Variants in PRKAG2 observed in about 807,000 individuals in gnomAD.
PRKAG2 encodes the protein 5'-AMP-activated protein kinase subunit gamma-2.
PRKAG2 carries 26 observed loss-of-function variants against 69.6 expected under a neutral mutation model. The observed-to-expected ratio is 0.37, with a 90% CI of 0.27 to 0.52. PRKAG2 has a LOEUF of 0.52. Ranked by LOEUF, PRKAG2 falls within the 20% of genes least tolerant of loss-of-function variation. The pLI, the probability that PRKAG2 is intolerant of heterozygous loss-of-function variation, is 0.90. For synonymous variants in PRKAG2, 293 were observed against 285.0 expected (o/e 1.03, Z -0.28); for missense variants, 557 against 740.0 (o/e 0.75, Z 2.87).
chr7:151,713,366 C>T (rs1379355309), intron 3 of PRKAG2, among the ~76,000 whole-genome samples: 3 of 152,130 alleles, frequency 2.0e-5, no homozygotes, highest in Non-Finnish European at 2.9e-5. Context: ...GGACGCACCC[C>T]GGCTTGCAAG....
At chr7:151,831,195 A>G (rs2079018937) in intron 1 of PRKAG2, among the ~76,000 whole-genome samples, 1 of 152,194 alleles carries the variant, frequency 6.6e-6, no homozygotes, top group African/African-American at 2.4e-5. Flanking sequence ...TCAGAAGTTA[A>G]ATATAAAGTC....
At chr7:151,808,962 C>T (rs937719204) in intron 1 of PRKAG2, among the ~76,000 whole-genome samples, 3 of 152,204 alleles carry the variant, frequency 2.0e-5, no homozygotes, top group Non-Finnish European at 4.4e-5. Context: ...GGTTCTCTCC[C>T]GCGCTCCCCC....
At chr7:151,841,042 G>T (rs1314153353) in intron 1 of PRKAG2, among the ~76,000 whole-genome samples, 1 of 152,158 alleles carries the variant, frequency 6.6e-6, no homozygotes, top group Non-Finnish European at 1.5e-5. Flanking sequence ...AGCCTGAAGT[G>T]CAGTGGTGCG....
intron 3 of PRKAG2, among the ~76,000 whole-genome samples, chr7:151,733,126 G>T (rs933895084): frequency 6.6e-6 from 1 of 152,188 alleles, no homozygotes; most frequent in Non-Finnish European, 1.5e-5. Flanking sequence ...GTGTATCCAC[G>T]CCCAACACTG....
intron 1 of PRKAG2, among the ~76,000 whole-genome samples, chr7:151,789,064 T>C (rs1446680327): frequency 6.6e-6 from 1 of 152,250 alleles, no homozygotes; most frequent in African/African-American, 2.4e-5. Flanking sequence ...TTATAGTAAG[T>C]TTAAAATTGG....
intron 4 of PRKAG2, among the ~76,000 whole-genome samples, chr7:151,636,131 A>G (rs1390914759): frequency 1.3e-5 from 2 of 152,098 alleles, no homozygotes; most frequent in Non-Finnish European, 2.9e-5. Context: ...GATTACAGGC[A>G]TGAGCCACCG....
intron 1 of PRKAG2, among the ~76,000 whole-genome samples, chr7:151,843,292 C>T (rs904798548): frequency 1.3e-5 from 2 of 152,208 alleles, no homozygotes; most frequent in African/African-American, 2.4e-5. Context: ...CTATGTCTCA[C>T]GTTGTCGTTT....
intron 3 of PRKAG2, among the ~76,000 whole-genome samples, chr7:151,758,140 TC>T (rs929267856): frequency 1.3e-4 from 19 of 148,172 alleles, no homozygotes; most frequent in Admixed American, 4.8e-4. Flanking sequence ...GATTTTCAAC[TC>T]TTTTTTTTTT....
chr7:151,623,363 C>CAAAAAAAAAA, intron 5 of PRKAG2, among the ~76,000 whole-genome samples: 1 of 36,676 alleles, frequency 2.7e-5, no homozygotes, highest in Non-Finnish European at 5.1e-5. Context: ...GACTCTGTCT[C>CAAAAAAAAAA]AAAAAAAAAA....
intron 4 of PRKAG2, among the ~76,000 whole-genome samples, chr7:151,661,753 T>C (rs1381706316): frequency 6.6e-6 from 1 of 152,142 alleles, no homozygotes; most frequent in African/African-American, 2.4e-5. Context: ...GGTCATTGAT[T>C]AACAGGGTAT....
chr7:151,630,761 G>T (rs1031083015), intron 5 of PRKAG2, among the ~76,000 whole-genome samples: 1 of 152,222 alleles, frequency 6.6e-6, no homozygotes, highest in Non-Finnish European at 1.5e-5. Flanking sequence ...CCACCCTGTG[G>T]ACAGCGGCCA....
chr7:151,787,082 A>AG (rs1177927627), intron 1 of PRKAG2, among the ~76,000 whole-genome samples: 1 of 152,200 alleles, frequency 6.6e-6, no homozygotes, highest in Admixed American at 6.5e-5. Context: ...TGTGTCTGAA[A>AG]CAGCCCTGCC....
At chr7:151,824,861 C>A (rs921596624) in intron 1 of PRKAG2, among the ~76,000 whole-genome samples, 1 of 152,208 alleles carries the variant, frequency 6.6e-6, no homozygotes, top group African/African-American at 2.4e-5. Flanking sequence ...CCTTCCCTCT[C>A]TTTCTTCTGA....
At chr7:151,826,096 G>A (rs2151869537) in intron 1 of PRKAG2, among the ~76,000 whole-genome samples, 1 of 152,098 alleles carries the variant, frequency 6.6e-6, no homozygotes, top group East Asian at 1.9e-4. Context: ...GCAAAGCTGT[G>A]CACCCACCAC....
Position 151,876,817 on chromosome 7 carries a change from G to A in PRKAG2, c.-197C>T. The stretch of plus-strand genomic sequence containing the variant: ...CGCCGCCGAAGCGCCGAATTCAAGC[G>A]TCCTTTCCTACGGAACCCTCGTAGG... On this transcript the variant is annotated 5_prime_UTR_variant, in exon 1 of 16. The change creates a new upstream start codon in the 5' untranslated region. Coordinates refer to ENST00000287878, the MANE Select transcript of PRKAG2 (RefSeq NM_016203.4). 1.6e-6 allele frequency: 1 copy of A among 642,830 alleles called. No individual in the cohort carries two copies. Among genetic ancestry groups the A allele is most frequent in the Non-Finnish European group, 2.8e-6 (1 of 359,976 alleles). The allele number at this position is 642,830 out of a possible 1,614,324, so 39.8% of individuals were successfully genotyped here.
chr7:151,705,815 C>T (rs972752574), intron 3 of PRKAG2, among the ~76,000 whole-genome samples: 1 of 152,098 alleles, frequency 6.6e-6, no homozygotes, highest in African/African-American at 2.4e-5. Context: ...GTGGCACTTC[C>T]TTGTAGAAAT....
Position 151,614,566 on chromosome 7 carries a change from C to T in PRKAG2, c.754+17503G>A, listed in dbSNP as rs369819926. On this transcript the variant is annotated intron_variant, in intron 5 of 15. Transcript: ENST00000287878. This position sits in a 1 kb window ranked among gnomAD's most constrained non-coding sequence, Gnocchi z 4.4. ...ATCCCTGCGTGCTCTCCTTCACCTC[C>T]GCCCCTCACCAGCTTGCTTCCCGCT... is the stretch of plus-strand genomic sequence containing the variant. Among the ~76,000 whole-genome samples, 7 of 152,228 alleles carry T rather than the reference C, an allele frequency of 4.6e-5. No individual in the cohort carries two copies. The East Asian group carries it at 5.8e-4, about 13-fold the overall frequency.
intron 4 of PRKAG2, among the ~76,000 whole-genome samples, chr7:151,641,302 C>CA (rs1826648503): frequency 7.4e-6 from 1 of 135,630 alleles, no homozygotes; most frequent in Non-Finnish European, 1.5e-5. Flanking sequence ...GGCTGGAGTG[C>CA]AGTGGCACGA....
At chr7:151,660,752 G>A (rs991880621) in intron 4 of PRKAG2, among the ~76,000 whole-genome samples, 7 of 152,322 alleles carry the variant, frequency 4.6e-5, no homozygotes, top group African/African-American at 1.7e-4. Flanking sequence ...CTGTATTTGT[G>A]TATAAAGGAA....
Sources: allele counts gnomAD v4.1 joint callset (sites outside exome capture counted in the v4.1 genomes callset), GRCh38; gene constraint gnomAD v4.1.1; non-coding constraint Gnocchi (gnomAD v3.1); transcripts MANE v1.5; gene names NCBI Gene and HGNC (gene_info 2026-07-23, HGNC 2026-07-21).